ART4: variants seen among roughly 807,000 people sequenced by gnomAD.
ART4 encodes ecto-ADP-ribosyltransferase 4.
A neutral mutation model predicts 24.2 loss-of-function variants in ART4; 14 were observed. The observed-to-expected ratio is 0.58, with a 90% confidence interval of 0.38 to 0.90. The LOEUF (loss-of-function observed/expected upper bound fraction) is 0.90, where lower values mean the gene tolerates loss of function less well. Among genes scored for constraint, ART4 ranks in the 40% least tolerant of loss-of-function variants. ART4 has a pLI of 0.00. For missense variants in ART4, 356 were observed against 366.6 expected (o/e 0.97, Z 0.24); for synonymous variants, 145 against 139.9 (o/e 1.04, Z -0.26).
intron 2 of ART4, among the ~76,000 whole-genome samples, chr12:14,838,612 T>C (rs1950445559): frequency 6.6e-6 from 1 of 152,220 alleles, no homozygotes; most frequent in Non-Finnish European, 1.5e-5. Context: ...TTTGCTGCCA[T>C]GTTTCCAAGG....
At chr12:14,834,882 A>G (rs1194879081) in intron 2 of ART4, among the ~76,000 whole-genome samples, 1 of 152,202 alleles carries the variant, frequency 6.6e-6, no homozygotes, top group East Asian at 1.9e-4. Context: ...GTATAATTCT[A>G]TTAATTTGAT....
At chr12:14,842,916 T>A (rs1863075271) in intron 1 of ART4, 54 bp downstream of exon 1, 2 of 1,548,360 alleles carry the variant, frequency 1.3e-6, no homozygotes, top group Admixed American at 3.9e-5. Context: ...GCCGGGTGAA[T>A]GCTCTGTTGG....
Position 14,826,107 on chromosome 12 carries a change from T to C in ART4, c.*3264A>G, listed in dbSNP as rs1176811119. ...CTAACAAATTTATCCCAGCAGAAAT[T>C]ACAGTGAAATTTCTAAAACTAGTCT... On this transcript the variant is annotated 3_prime_UTR_variant, in exon 3 of 3. Transcript: ENST00000228936. 1 of 152,222 alleles carries C rather than the reference T, an allele frequency of 6.6e-6. No individual in the cohort carries two copies. Among genetic ancestry groups the C allele is most frequent in the Non-Finnish European group, 1.5e-5 (1 of 68,024 alleles). The allele number at this position is 152,222 out of a possible 1,614,324, so 9.4% of individuals were successfully genotyped here.
intron 2 of ART4, among the ~76,000 whole-genome samples, chr12:14,829,984 G>A (rs1950383388): frequency 1.3e-5 from 2 of 152,170 alleles, no homozygotes; most frequent in Admixed American, 1.3e-4. Context: ...AATAGTATAG[G>A]CACCATTCAA....
rs1184732964 is a variant in ART4 at position 14,830,649 on chromosome 12, G to GTGTATATATA, written c.854-1188_854-1187insTATATATACA. ...GTGTGTATGTGTGTACTGTATGTAT[G>GTGTATATATA]TATATATATATATATATATATATAT... On this transcript the variant is annotated intron_variant, in intron 2 of 2. Coordinates refer to ENST00000228936, the MANE Select transcript of ART4 (RefSeq NM_021071.4). 1.5e-4 allele frequency among the ~76,000 whole-genome samples: 4 copies of GTGTATATATA among 25,956 alleles called. 1 individual carries two copies. Among genetic ancestry groups the GTGTATATATA allele is most frequent in the Non-Finnish European group, 3.1e-4 (4 of 13,068 alleles). The allele number at this position is 25,956 out of a possible 152,430, so 17.0% of individuals were successfully genotyped here.
rs75508137 is a variant in ART4, at chr12:14,834,607, T to G, written c.854-5145A>C. Among the ~76,000 whole-genome samples, 1,232 of 152,326 alleles carry G rather than the reference T, an allele frequency of 8.1e-3. 19 individuals carry two copies. The highest frequency in any genetic ancestry group is 0.028 in the African/African-American group (1,169 of 41,564). On this transcript the variant is annotated intron_variant, in intron 2 of 2. Coordinates refer to ENST00000228936, the MANE Select transcript of ART4 (RefSeq NM_021071.4). ...AACATTTTAACAAATAAATCCCTGT[T>G]CTTTGTGAATCCAATGATATAGAAC... is the stretch of plus-strand genomic sequence containing the variant.
At position 14,831,328 on chromosome 12, in the gene ART4, A is replaced by C. The variant is rs1247439030; in HGVS notation, c.854-1866T>G. On this transcript the variant is annotated intron_variant, in intron 2 of 2. Transcript: ENST00000228936. ...TCTGTCACCCAGGCTAGAGTACAGC[A>C]GTGTGATCTCTGCTCACTGCAACAT... is the stretch of plus-strand genomic sequence containing the variant. Among the ~76,000 whole-genome samples the C allele has an allele frequency of 3.4e-5, 5 of 147,306 alleles. No homozygotes were observed. The East Asian group carries it at 7.9e-4, about 23-fold the overall frequency.
intron 2 of ART4, among the ~76,000 whole-genome samples, chr12:14,838,810 C>T (rs1447337959): frequency 2.6e-5 from 4 of 151,824 alleles, no homozygotes; most frequent in African/African-American, 7.3e-5. Flanking sequence ...AATGATAAAG[C>T]GAAGACAAAT....
intron 2 of ART4, among the ~76,000 whole-genome samples, chr12:14,835,577 C>G (rs560494697): frequency 6.6e-6 from 1 of 151,494 alleles, no homozygotes; most frequent in Non-Finnish European, 1.5e-5. Context: ...AACACTGTAG[C>G]GAATAACTGA....
Position 14,837,496 on chromosome 12 carries a change from A to G in ART4, c.853+2949T>C, listed in dbSNP as rs138329891. Reference sequence around the variant, plus strand: ...AATTTACCATTATTATATGCTATAGAATATATAAATAATTTTATTTATTTA... The same window carrying G: ...AATTTACCATTATTATATGCTATAGGATATATAAATAATTTTATTTATTTA... On this transcript the variant is annotated intron_variant, in intron 2 of 2. Transcript: ENST00000228936. Among the ~76,000 whole-genome samples the G allele has an allele frequency of 1.3e-3, 198 of 152,208 alleles. 2 individuals carry two copies. The highest frequency in any genetic ancestry group is 4.1e-3 in the African/African-American group (170 of 41,538).
intron 2 of ART4, among the ~76,000 whole-genome samples, chr12:14,833,037 T>C (rs1478730439): frequency 6.6e-6 from 1 of 152,208 alleles, no homozygotes; most frequent in Non-Finnish European, 1.5e-5. Flanking sequence ...TGTCTTTAGT[T>C]TTCTATTCAA....
At chr12:14,834,963 TTTTAG>T in intron 2 of ART4, among the ~76,000 whole-genome samples, 1 of 152,344 alleles carries the variant, frequency 6.6e-6, no homozygotes, top group South Asian at 2.1e-4. Flanking sequence ...ACAGGACTGA[TTTTAG>T]CATAAATTGA....
rs968819867 is a variant in ART4 at position 14,826,204 on chromosome 12, T to G, written c.*3167A>C. On this transcript the variant is annotated 3_prime_UTR_variant, in exon 3 of 3. Transcript: ENST00000228936. ...CTACAGATTCCTTGCTCAACAACTT[T>G]GGACTATAGGGAGAGACTGAGGGGA... 5 of 152,250 alleles carry G rather than the reference T, an allele frequency of 3.3e-5. No homozygotes were observed. Among genetic ancestry groups the G allele is most frequent in the Admixed American group, 6.5e-5 (1 of 15,284 alleles). 9.4% of individuals were successfully genotyped at this position (152,250 alleles called of 1,614,324 possible). A position where few individuals can be genotyped will look rare whatever the true frequency, so the allele number is the denominator to read the frequency against.
rs1863083670 is a variant in ART4 at position 14,843,266 on chromosome 12, A to G, written c.-153T>C. 5 of 828,390 alleles carry G rather than the reference A, an allele frequency of 6.0e-6. No individual in the cohort carries two copies. The South Asian group carries it at 7.6e-5, about 13-fold the overall frequency. The allele number at this position is 828,390 out of a possible 1,614,324, so 51.3% of individuals were successfully genotyped here. On this transcript the variant is annotated 5_prime_UTR_variant, in exon 1 of 3. Transcript: ENST00000228936. ...AACTTCTGTTGCCCACCAACAACCA[A>G]TAGCTTGTCTGAGGGAAGAAATCAA...
In ART4 at chr12:14,828,219, T is replaced by C. The variant is rs1950371518; in HGVS notation, c.*1152A>G. The C allele has an allele frequency of 6.6e-6, 1 of 152,176 alleles. No homozygotes were observed. The highest frequency in any genetic ancestry group is 1.5e-5 in the Non-Finnish European group (1 of 68,032). The allele number at this position is 152,176 out of a possible 1,614,324, so 9.4% of individuals were successfully genotyped here. On this transcript the variant is annotated 3_prime_UTR_variant, in exon 3 of 3. Transcript: ENST00000228936. ...TTTGTTTGTAATCAGTGTTTTTTTC[T>C]CTCATACTCTCTGTTAACCTTCACA...
At chr12:14,838,537 T>C (rs1456440385) in intron 2 of ART4, among the ~76,000 whole-genome samples, 3 of 152,220 alleles carry the variant, frequency 2.0e-5, no homozygotes, top group African/African-American at 7.2e-5. Context: ...TATTCTACTA[T>C]AGTTTTTCAT....
At chr12:14,841,967 C>G (rs535176198) in intron 1 of ART4, among the ~76,000 whole-genome samples, 3 of 152,322 alleles carry the variant, frequency 2.0e-5, no homozygotes, top group Admixed American at 6.5e-5. Flanking sequence ...GTACATTTGT[C>G]CCCCTCAGGG....
intron 2 of ART4, among the ~76,000 whole-genome samples, chr12:14,839,020 AC>A (rs1226831142): frequency 6.6e-6 from 1 of 151,842 alleles, no homozygotes; most frequent in African/African-American, 2.4e-5. Context: ...AAAAAGTTTA[AC>A]TTTTTTTTGT....
intron 2 of ART4, among the ~76,000 whole-genome samples, chr12:14,830,649 G>GTATATATATATATATATATA (rs3084548): frequency 7.7e-5 from 2 of 25,922 alleles, no homozygotes; most frequent in Non-Finnish European, 1.5e-4. Context: ...CTGTATGTAT[G>GTATATATATATATATATATA]TATATATATA....
Sources: gnomAD v4.1 joint callset for allele counts (sites outside exome capture counted in the v4.1 genomes callset) on GRCh38, gnomAD v4.1.1 for gene constraint, MANE v1.5 for transcripts, NCBI Gene and HGNC (gene_info 2026-07-23, HGNC 2026-07-21) for gene names.